DOCK9: variants seen among roughly 807,000 people sequenced by gnomAD.
The protein encoded by DOCK9 is dedicator of cytokinesis 9.
Under a neutral mutation model 263.3 loss-of-function variants are expected in DOCK9, and 89 were observed. The observed-to-expected ratio is 0.34, with a 90% confidence interval of 0.28 to 0.40. The LOEUF is 0.40. Among genes scored for constraint, DOCK9 ranks in the 10% least tolerant of loss-of-function variants. The pLI is 1.00. For missense variants in DOCK9, 2,140 were observed against 2,603.4 expected (o/e 0.82, Z 3.87); for synonymous variants, 976 against 973.1 (o/e 1.00, Z -0.06).
chr13:98,970,107 G>T (rs771745582), intron 1 of DOCK9, among the ~76,000 whole-genome samples: 1 of 151,812 alleles, frequency 6.6e-6, no homozygotes, highest in Non-Finnish European at 1.5e-5. Context: ...CAATCTTCCC[G>T]CCTCATCTTC....
At chr13:98,827,705 T>G (rs766617358) in intron 43 of DOCK9, among the ~76,000 whole-genome samples, 13 of 152,218 alleles carry the variant, frequency 8.5e-5, no homozygotes, top group African/African-American at 1.2e-4. Context: ...TGTCCAGTCC[T>G]CGGAGGCAGA....
chr13:98,909,663 C>G (rs2049699319), intron 9 of DOCK9, among the ~76,000 whole-genome samples: 1 of 152,182 alleles, frequency 6.6e-6, no homozygotes, highest in African/African-American at 2.4e-5. Flanking sequence ...AAATGCAACA[C>G]CAGCTGACCC....
At chr13:99,015,484 G>C in intron 1 of DOCK9, 1 of 1,597,248 alleles carries the variant, frequency 6.3e-7, no homozygotes, top group South Asian at 1.1e-5. Flanking sequence ...ATCTTCTTTT[G>C]TCCAATTGTA....
intron 45 of DOCK9, chr13:98,820,780 A>C (rs555095003): frequency 1.3e-4 from 38 of 285,650 alleles, no homozygotes; most frequent in Middle Eastern, 1.2e-3. Flanking sequence ...TCTGTCTAGT[A>C]AACATTATTA....
chr13:99,087,902 G>A (rs754766201), upstream of DOCK9: 1 of 152,342 alleles, frequency 6.6e-6, no homozygotes, highest in Non-Finnish European at 1.5e-5. Context: ...AATACCTGCC[G>A]CGCCTCCCGC....
At chr13:98,828,176 G>A (rs1410103327) in intron 43 of DOCK9, among the ~76,000 whole-genome samples, 1 of 152,206 alleles carries the variant, frequency 6.6e-6, no homozygotes, top group East Asian at 1.9e-4. Flanking sequence ...AAGGACATTC[G>A]GAGATGTGGC....
chr13:99,020,769 C>A (rs1885999277), intron 1 of DOCK9, among the ~76,000 whole-genome samples: 1 of 152,150 alleles, frequency 6.6e-6, no homozygotes. Flanking sequence ...TATAAGTCTT[C>A]TACTTATATA....
At chr13:98,797,334 G>A in intron 51 of DOCK9, 55 bp downstream of exon 51, 1 of 1,608,540 alleles carries the variant, frequency 6.2e-7, no homozygotes, top group Non-Finnish European at 8.5e-7. Context: ...CTTCCCGAAT[G>A]AGTACAGAAA....
chr13:99,070,821 A>G (rs2041636529), intron 1 of DOCK9, among the ~76,000 whole-genome samples: 1 of 152,216 alleles, frequency 6.6e-6, no homozygotes, highest in Non-Finnish European at 1.5e-5. Flanking sequence ...ATACAACTGC[A>G]TTTCTATGTT....
At chr13:99,003,306 C>G (rs749241670) in intron 1 of DOCK9, among the ~76,000 whole-genome samples, 5 of 152,202 alleles carry the variant, frequency 3.3e-5, no homozygotes, top group Non-Finnish European at 7.3e-5. Flanking sequence ...AGATGCACAG[C>G]AGGCTCTCCC....
At chr13:99,021,738 C>T (rs186874845) in intron 1 of DOCK9, among the ~76,000 whole-genome samples, 30 of 151,694 alleles carry the variant, frequency 2.0e-4, no homozygotes, top group Non-Finnish European at 1.5e-5. Flanking sequence ...CAGCAATGAC[C>T]ATTAGAGACA....
chr13:98,794,900 T>A (rs2139709931), intron 52 of DOCK9, 152 bp from the exon 53 acceptor site: 1 of 750,470 alleles, frequency 1.3e-6, no homozygotes, highest in Admixed American at 2.5e-5. Flanking sequence ...TTACTGAGTA[T>A]AAGGATGCAA....
chr13:98,809,301 GT>G (rs113421628), intron 47 of DOCK9, 50 bp downstream of exon 47: 92 of 1,370,372 alleles, frequency 6.7e-5, no homozygotes, highest in Non-Finnish European at 8.3e-5. Flanking sequence ...TTTTGTTTTT[GT>G]TTTTTTTTAA....
chr13:98,836,471 C>G (rs2093002785), intron 39 of DOCK9, among the ~76,000 whole-genome samples: 1 of 152,176 alleles, frequency 6.6e-6, no homozygotes, highest in Non-Finnish European at 1.5e-5. Flanking sequence ...TCCAGTGGGT[C>G]TGGGGAGTGG....
chr13:99,083,839 T>A (rs2042224747), intron 1 of DOCK9, among the ~76,000 whole-genome samples: 1 of 152,230 alleles, frequency 6.6e-6, no homozygotes, highest in South Asian at 2.1e-4. Context: ...CATCCACTCA[T>A]CAATACTTGA....
At chr13:98,807,304 G>A (rs759336732) in intron 48 of DOCK9, among the ~76,000 whole-genome samples, 68 of 152,174 alleles carry the variant, frequency 4.5e-4, no homozygotes, top group Non-Finnish European at 7.6e-4. Flanking sequence ...ACATCCAGCC[G>A]TCAGTGACAG....
chr13:99,025,139 A>G (rs1455027770), intron 1 of DOCK9: 2 of 152,248 alleles, frequency 1.3e-5, no homozygotes, highest in Non-Finnish European at 2.9e-5. Context: ...ATTTAGGTCA[A>G]AGAAGTGGGG....
intron 1 of DOCK9, among the ~76,000 whole-genome samples, chr13:99,025,551 A>C (rs1304565994): frequency 6.6e-6 from 1 of 152,226 alleles, no homozygotes; most frequent in Non-Finnish European, 1.5e-5. Flanking sequence ...AATCAAAATA[A>C]CAGGTATTGG....
intron 2 of DOCK9, among the ~76,000 whole-genome samples, chr13:98,933,384 A>G (rs2054267517): frequency 6.6e-6 from 1 of 151,714 alleles, no homozygotes; most frequent in Admixed American, 6.5e-5. Context: ...GAAAAAAAAA[A>G]AGTAACTTTA....
Sources: gnomAD v4.1 joint callset for allele counts (sites outside exome capture counted in the v4.1 genomes callset) on GRCh38, gnomAD v4.1.1 for gene constraint, MANE v1.5 for transcripts, NCBI Gene and HGNC (gene_info 2026-07-23, HGNC 2026-07-21) for gene names.